The following MIGA1 variants were observed in gnomAD, a reference collection of about 807,000 sequenced individuals.
MIGA1 encodes the protein family with sequence similarity 73, member A.
A neutral mutation model predicts 82.0 loss-of-function variants in MIGA1; 58 were observed. That is an observed-to-expected ratio of 0.71 (90% CI 0.57 to 0.88). The LOEUF is 0.88. Ranked by LOEUF, MIGA1 falls within the 40% of genes least tolerant of loss-of-function variation. MIGA1 has a pLI of 0.00. For missense variants in MIGA1, 751 were observed against 749.1 expected, an observed-to-expected ratio of 1.00 and a Z score of -0.03; for synonymous variants, 249 against 253.6, an observed-to-expected ratio of 0.98 and a Z score of 0.17.
At chr1:77,811,102 T>C in intron 5 of MIGA1, 1 of 1,596,590 alleles carries the variant, frequency 6.3e-7, no homozygotes, top group East Asian at 2.2e-5. Context: ...AACATGCTTC[T>C]GGAGCTCAAT....
intron 2 of MIGA1, among the ~76,000 whole-genome samples, chr1:77,793,496 A>G (rs183600691): frequency 7.2e-5 from 11 of 151,976 alleles, no homozygotes; most frequent in Non-Finnish European, 1.0e-4. Context: ...GATTCCCTCT[A>G]TCATCCAGAC....
intron 2 of MIGA1, among the ~76,000 whole-genome samples, chr1:77,796,346 C>T (rs1682653445): frequency 6.6e-6 from 1 of 151,978 alleles, no homozygotes; most frequent in African/African-American, 2.4e-5. Flanking sequence ...TCTCGATCTC[C>T]TGACCTCGTG....
At chr1:77,818,809 G>C (rs551387532) in intron 7 of MIGA1, among the ~76,000 whole-genome samples, 1 of 152,248 alleles carries the variant, frequency 6.6e-6, no homozygotes, top group South Asian at 2.1e-4. Context: ...GCTGGGCGTG[G>C]TGGCTCACGC....
intron 2 of MIGA1, among the ~76,000 whole-genome samples, chr1:77,785,417 C>T (rs1682114942): frequency 6.6e-6 from 1 of 151,668 alleles, no homozygotes; most frequent in South Asian, 2.1e-4. Flanking sequence ...AATCTTGGCT[C>T]ACCGCAACCT....
chr1:77,823,344 A>T (rs1014871791), intron 7 of MIGA1, among the ~76,000 whole-genome samples: 2 of 152,164 alleles, frequency 1.3e-5, no homozygotes, highest in African/African-American at 4.8e-5. Context: ...CTAACACTGG[A>T]TATGGTAACC....
At chr1:77,865,549 C>T (rs1047995621) in intron 13 of MIGA1, among the ~76,000 whole-genome samples, 4 of 152,080 alleles carry the variant, frequency 2.6e-5, no homozygotes, top group Non-Finnish European at 4.4e-5. Flanking sequence ...ACCGAGATCA[C>T]TCCTTTGCAC....
At chr1:77,842,835 C>T (rs994628865) in intron 7 of MIGA1, among the ~76,000 whole-genome samples, 4 of 152,338 alleles carry the variant, frequency 2.6e-5, no homozygotes, top group South Asian at 2.1e-4. Flanking sequence ...AGCCACTGCA[C>T]CCGGCCGTGA....
At chr1:77,798,679 G>A (rs1397510291) in intron 2 of MIGA1, among the ~76,000 whole-genome samples, 1 of 152,160 alleles carries the variant, frequency 6.6e-6, no homozygotes, top group Non-Finnish European at 1.5e-5. Context: ...CATAGCTTCA[G>A]TGTCTTTACA....
chr1:77,850,106 A>G (rs183025994), intron 8 of MIGA1, among the ~76,000 whole-genome samples: 1 of 152,020 alleles, frequency 6.6e-6, no homozygotes, highest in Non-Finnish European at 1.5e-5. Context: ...ACTCACTCCT[A>G]TGAATGGAAA....
chr1:77,781,208 C>T (rs1681901787), intron 1 of MIGA1, among the ~76,000 whole-genome samples: 2 of 151,868 alleles, frequency 1.3e-5, no homozygotes, highest in South Asian at 4.1e-4. Context: ...CACGCCTGGC[C>T]GAGGTTTGTC....
intron 2 of MIGA1, among the ~76,000 whole-genome samples, chr1:77,791,434 A>G (rs1682420067): frequency 6.6e-6 from 1 of 152,032 alleles, no homozygotes; most frequent in South Asian, 2.1e-4. Context: ...ACAATTTGTT[A>G]ACCATTCATT....
At chr1:77,800,698 T>A (rs1241130102) in intron 2 of MIGA1, among the ~76,000 whole-genome samples, 1 of 152,212 alleles carries the variant, frequency 6.6e-6, no homozygotes, top group African/African-American at 2.4e-5. Flanking sequence ...GTCTCCACTC[T>A]TAGCACACTG....
intron 7 of MIGA1, among the ~76,000 whole-genome samples, chr1:77,834,016 C>A (rs1684337489): frequency 6.6e-6 from 1 of 152,208 alleles, no homozygotes; most frequent in African/African-American, 2.4e-5. Flanking sequence ...ATGCCAGAGA[C>A]AACTATTGTG....
chr1:77,873,098 A>G lies in MIGA1; in HGVS notation c.1658A>G (p.Tyr553Cys), dbSNP rs367856072. 6.2e-7 allele frequency: 1 copy of G among 1,613,468 alleles called. No homozygotes were observed. Among genetic ancestry groups the G allele is most frequent in the Non-Finnish European group, 8.5e-7 (1 of 1,179,552 alleles). Residue 553 changes from tyrosine (Y) to cysteine (C), a missense_variant, in exon 15 of 16, where the codon TAT becomes TGT. By Grantham distance (194) the Tyr-to-Cys change is radical. Around this residue, in one of 3 missense-constraint regions of MIGA1, gnomAD observed 265 missense variants for 293.6 expected, o/e 0.90. Transcript: ENST00000370791. ...TTTTTGGGTCCTAGAAATTCTCTGT[A>G]TGATTTATGTTGCTTTTTTAAGGTA...
At position 77,861,022 on chromosome 1, in the gene MIGA1, T is replaced by G. The variant is rs539405136; in HGVS notation, c.1276-202T>G. On this transcript the variant is annotated intron_variant, in intron 11 of 15. Coordinates refer to ENST00000370791, the MANE Select transcript of MIGA1 (RefSeq NM_198549.4). ...GTAATAAATAGTTTGCTTGTGACAT[T>G]TTACTGACATTCTTTATCTTGGCTT... The G allele has an allele frequency of 2.1e-5, 10 of 486,038 alleles. No individual in the cohort carries two copies. In the South Asian group the frequency reaches 3.2e-4, roughly 16 times the overall value. 30.1% of individuals were successfully genotyped at this position (486,038 alleles called of 1,614,324 possible).
intron 5 of MIGA1, among the ~76,000 whole-genome samples, chr1:77,807,911 C>T (rs964949280): frequency 6.4e-4 from 98 of 152,096 alleles, no homozygotes; most frequent in African/African-American, 2.2e-3. Context: ...CTCCACCTCC[C>T]GGGTTCAAGT....
intron 14 of MIGA1, among the ~76,000 whole-genome samples, chr1:77,871,673 A>G (rs573067441): frequency 6.6e-5 from 10 of 152,320 alleles, no homozygotes; most frequent in African/African-American, 1.7e-4. Context: ...TCAAAAAGTT[A>G]TAAATATAGA....
At chr1:77,832,700 G>A (rs1184499949) in intron 7 of MIGA1, among the ~76,000 whole-genome samples, 1 of 152,132 alleles carries the variant, frequency 6.6e-6, no homozygotes, top group Non-Finnish European at 1.5e-5. Flanking sequence ...AATATAGGTG[G>A]GGAGTGGTAG....
In MIGA1 at chr1:77,859,106, G is replaced by T. The variant is rs1024052563; in HGVS notation, c.1115+50G>T. ...TTATGAAGGATATTAAGGTGTTTGT[G>T]TGGTACTTACTAAAAATGTTTATGA... is the stretch of plus-strand genomic sequence containing the variant. On this transcript the variant is annotated intron_variant, in intron 9 of 15. Coordinates refer to ENST00000370791, the MANE Select transcript of MIGA1 (RefSeq NM_198549.4). 2.6e-6 allele frequency: 3 copies of T among 1,174,684 alleles called. No individual in the cohort carries two copies. The Admixed American group carries it at 5.2e-5, about 20-fold the overall frequency. The allele number at this position is 1,174,684 out of a possible 1,614,324, so 72.8% of individuals were successfully genotyped here.
Sources: allele counts gnomAD v4.1 joint callset (sites outside exome capture counted in the v4.1 genomes callset), GRCh38; gene constraint gnomAD v4.1.1; regional missense constraint gnomAD v4.1.1; transcripts MANE v1.5; gene names NCBI Gene and HGNC (gene_info 2026-07-23, HGNC 2026-07-21).